Variants in F13A1 observed in about 807,000 individuals in gnomAD.
F13A1 encodes FSF, A subunit.
A neutral mutation model predicts 80.1 loss-of-function variants in F13A1; 47 were observed. The observed-to-expected ratio is 0.59, with a 90% CI of 0.46 to 0.75. The LOEUF (loss-of-function observed/expected upper bound fraction) is 0.75, where lower values mean the gene tolerates loss of function less well. Ranked by LOEUF, F13A1 falls within the 30% of genes least tolerant of loss-of-function variation. The pLI, the probability that F13A1 is intolerant of heterozygous loss-of-function variation, is 0.00. For synonymous variants in F13A1, 349 were observed against 344.9 expected, an observed-to-expected ratio of 1.01 and a Z score of -0.13; for missense variants, 817 against 930.4, an observed-to-expected ratio of 0.88 and a Z score of 1.59.
chr6:6,173,570 G>A (rs547298914), intron 12 of F13A1, among the ~76,000 whole-genome samples: 1 of 152,036 alleles, frequency 6.6e-6, no homozygotes, highest in Non-Finnish European at 1.5e-5. Context: ...ACCACGCCGG[G>A]CTAATTTTTG....
chr6:6,310,435 A>G (rs757328109), intron 2 of F13A1, among the ~76,000 whole-genome samples: 7 of 152,142 alleles, frequency 4.6e-5, no homozygotes, highest in Non-Finnish European at 1.0e-4. Flanking sequence ...CAGTTTTCTT[A>G]TCTTTAATAT....
intron 10 of F13A1, among the ~76,000 whole-genome samples, chr6:6,193,010 A>G (rs1279064435): frequency 1.3e-5 from 2 of 152,140 alleles, no homozygotes; most frequent in African/African-American, 2.4e-5. Flanking sequence ...CCTCTCACCT[A>G]TTTGGAAGCC....
chr6:6,318,702 A>AG lies in F13A1; in HGVS notation c.-18-21dup. 2 of 1,602,564 alleles carry AG rather than the reference A, an allele frequency of 1.2e-6. No homozygotes were observed. The highest frequency in any genetic ancestry group is 1.7e-6 in the Non-Finnish European group (2 of 1,177,992). ...AAGGTCCTTCAGAAAAAAAAAAAAAAGAAGACAACAGAAAAGGCATGTAAA... is the reference window on the plus strand; with the variant it reads ...AAGGTCCTTCAGAAAAAAAAAAAAAAGGAAGACAACAGAAAAGGCATGTAAA... On this transcript the variant is annotated intron_variant, in intron 1 of 14. Transcript: ENST00000264870.
At chr6:6,192,154 G>C (rs1040068842) in intron 10 of F13A1, among the ~76,000 whole-genome samples, 1 of 152,218 alleles carries the variant, frequency 6.6e-6, no homozygotes, top group African/African-American at 2.4e-5. Flanking sequence ...TATGGCTGGA[G>C]GGAAATAAAC....
At chr6:6,313,877 T>C (rs1366667728) in intron 2 of F13A1, among the ~76,000 whole-genome samples, 2 of 152,142 alleles carry the variant, frequency 1.3e-5, no homozygotes, top group African/African-American at 4.8e-5. Context: ...ACAAGAGAAA[T>C]GAGCCCCATA....
chr6:6,277,199 A>G (rs1268766), intron 3 of F13A1, among the ~76,000 whole-genome samples: 1 of 66,180 alleles, frequency 1.5e-5, no homozygotes, highest in Non-Finnish European at 2.8e-5. Context: ...AGCCGGGCGT[A>G]GTGGCGGGCG....
intron 3 of F13A1, among the ~76,000 whole-genome samples, chr6:6,271,063 C>T (rs960310497): frequency 5.5e-5 from 8 of 146,412 alleles, no homozygotes; most frequent in Non-Finnish European, 1.2e-4. Context: ...GTTATGGAAG[C>T]GTTATCAGGG....
intron 8 of F13A1, among the ~76,000 whole-genome samples, chr6:6,207,404 T>A (rs571247955): frequency 1.3e-5 from 2 of 152,162 alleles, no homozygotes; most frequent in Non-Finnish European, 2.9e-5. Flanking sequence ...AAAAATAAAA[T>A]AGAAGCAAAT....
intron 11 of F13A1, among the ~76,000 whole-genome samples, chr6:6,175,437 C>T (rs1760865940): frequency 1.3e-5 from 2 of 152,158 alleles, no homozygotes; most frequent in African/African-American, 2.4e-5. Context: ...ACTCAATTGC[C>T]ATTGCCCCCA....
intron 7 of F13A1, among the ~76,000 whole-genome samples, chr6:6,223,120 AT>A (rs1333664676): frequency 6.6e-6 from 1 of 152,158 alleles, no homozygotes; most frequent in African/African-American, 2.4e-5. Flanking sequence ...CTTACTCATA[AT>A]TTCAAGAAAG....
intron 13 of F13A1, among the ~76,000 whole-genome samples, chr6:6,165,967 C>A (rs892432409): frequency 1.3e-5 from 2 of 152,262 alleles, no homozygotes; most frequent in Non-Finnish European, 2.9e-5. Context: ...GCCTGGTGTT[C>A]TGCTCCCTGA....
chr6:6,249,843 T>C (rs1757605989), intron 5 of F13A1, among the ~76,000 whole-genome samples: 1 of 152,102 alleles, frequency 6.6e-6, no homozygotes, highest in Non-Finnish European at 1.5e-5. Flanking sequence ...CCAACTAGCT[T>C]GTAGCTTGGC....
chr6:6,171,714 A>G (rs994566247), intron 12 of F13A1, among the ~76,000 whole-genome samples: 3 of 152,206 alleles, frequency 2.0e-5, no homozygotes, highest in Non-Finnish European at 4.4e-5. Flanking sequence ...AGCTCACTCA[A>G]AATAAAAACC....
chr6:6,161,869 C>T (rs1009572146), intron 13 of F13A1, among the ~76,000 whole-genome samples: 1 of 152,136 alleles, frequency 6.6e-6, no homozygotes, highest in South Asian at 2.1e-4. Flanking sequence ...AACAGGAAGC[C>T]ACTGGCCTGC....
chr6:6,301,638 T>C (rs1010028285), intron 3 of F13A1, among the ~76,000 whole-genome samples: 1 of 152,222 alleles, frequency 6.6e-6, no homozygotes, highest in African/African-American at 2.4e-5. Context: ...TAATAGTATT[T>C]CTTGTGTAAA....
rs921932200 is a variant in F13A1 at position 6,144,685 on chromosome 6, C to T, written c.*934G>A. On this transcript the variant is annotated 3_prime_UTR_variant, in exon 15 of 15. Transcript: ENST00000264870. ...TGCAGTCCTTCTATATATCTGGTCA[C>T]TAGATCCGCCAGCTTCTTCAACTTG... is the stretch of plus-strand genomic sequence containing the variant. The T allele has an allele frequency of 7.2e-5, 11 of 152,420 alleles. No individual in the cohort carries two copies. The highest frequency in any genetic ancestry group is 2.4e-4 in the African/African-American group (10 of 41,546). The allele number at this position is 152,420 out of a possible 1,614,324, so 9.4% of individuals were successfully genotyped here. A position where few individuals can be genotyped will look rare whatever the true frequency, so the allele number is the denominator to read the frequency against.
At chr6:6,159,787 C>T (rs1197242337) in intron 13 of F13A1, among the ~76,000 whole-genome samples, 1 of 151,990 alleles carries the variant, frequency 6.6e-6, no homozygotes, top group Non-Finnish European at 1.5e-5. Flanking sequence ...TTGTTGAAGT[C>T]GATTTCTGTG....
intron 3 of F13A1, among the ~76,000 whole-genome samples, chr6:6,298,408 C>T (rs1216252209): frequency 6.7e-6 from 1 of 150,138 alleles, no homozygotes; most frequent in Admixed American, 6.6e-5. Flanking sequence ...TCACTCAGGA[C>T]TTGCTTTATG....
At chr6:6,151,269 C>A (rs1426338316) in intron 14 of F13A1, among the ~76,000 whole-genome samples, 1 of 144,606 alleles carries the variant, frequency 6.9e-6, no homozygotes, top group Non-Finnish European at 1.5e-5. Flanking sequence ...GCTCTTTAGG[C>A]TCAACTAAAA....
Sources: gnomAD v4.1 joint callset for allele counts (sites outside exome capture counted in the v4.1 genomes callset) on GRCh38, gnomAD v4.1.1 for gene constraint, MANE v1.5 for transcripts, NCBI Gene and HGNC (gene_info 2026-07-23, HGNC 2026-07-21) for gene names.